GALNT18: variants seen among roughly 807,000 people sequenced by gnomAD.
GALNT18 encodes the protein GalNAc-transferase 18.
GALNT18 carries 44 observed loss-of-function variants against 69.5 expected under a neutral mutation model. That is an observed-to-expected ratio of 0.63 (90% CI 0.50 to 0.81). GALNT18 has a LOEUF of 0.81. Ranked by LOEUF, GALNT18 falls within the 40% of genes least tolerant of loss-of-function variation. GALNT18 has a pLI of 0.00. For missense variants in GALNT18, 715 were observed against 810.0 expected (o/e 0.88, Z 1.42); for synonymous variants, 364 against 318.2 (o/e 1.14, Z -1.53).
At chr11:11,334,584 G>T (rs563143055) in intron 7 of GALNT18, among the ~76,000 whole-genome samples, 1 of 151,866 alleles carries the variant, frequency 6.6e-6, no homozygotes, top group Non-Finnish European at 1.5e-5. Flanking sequence ...ATATAAAAGA[G>T]ATAGATTCCT....
intron 3 of GALNT18, among the ~76,000 whole-genome samples, chr11:11,424,120 T>C (rs1250425439): frequency 6.6e-6 from 1 of 152,208 alleles, no homozygotes; most frequent in Non-Finnish European, 1.5e-5. Flanking sequence ...GCCTGCCTGC[T>C]GCCCCCAACA....
intron 9 of GALNT18, among the ~76,000 whole-genome samples, chr11:11,319,463 G>C (rs962261269): frequency 1.3e-5 from 2 of 152,160 alleles, no homozygotes; most frequent in South Asian, 2.1e-4. Flanking sequence ...CATGAATGCT[G>C]TTCATAAAAA....
At position 11,461,569 on chromosome 11, in the gene GALNT18, C is replaced by T. The variant is rs568433597; in HGVS notation, c.236-12633G>A. Among the ~76,000 whole-genome samples the T allele has an allele frequency of 2.0e-5, 3 of 152,304 alleles. No homozygotes were observed. The highest frequency in any genetic ancestry group is 1.9e-4 in the East Asian group (1 of 5,188). ...CACATACCGTTATCCCCCCCGCTCC[C>T]GCCCGCCACCGAGCTGACAGCCCGG... On this transcript the variant is annotated intron_variant, in intron 1 of 10. Transcript: ENST00000227756. This position sits in a 1 kb window ranked among gnomAD's most constrained non-coding sequence, Gnocchi z 4.1.
intron 6 of GALNT18, among the ~76,000 whole-genome samples, chr11:11,350,783 T>C (rs78768189): frequency 1.3e-5 from 2 of 152,112 alleles, no homozygotes; most frequent in Non-Finnish European, 2.9e-5. Flanking sequence ...CAGGGTGAAC[T>C]TGAAGTTCAA....
chr11:11,490,234 A>ACACACAC (rs1856738130), intron 1 of GALNT18, among the ~76,000 whole-genome samples: 15 of 125,180 alleles, frequency 1.2e-4, no homozygotes, highest in African/African-American at 3.0e-4. Flanking sequence ...CTCTCTCTCT[A>ACACACAC]ACACACACAC....
chr11:11,543,455 C>T lies in GALNT18; in HGVS notation c.235+77904G>A, dbSNP rs956820067. On this transcript the variant is annotated intron_variant, in intron 1 of 10. Transcript: ENST00000227756. This position sits in a 1 kb window ranked among gnomAD's most constrained non-coding sequence, Gnocchi z 5.1. ...CCACCCATTTTAGGTCGGGGATGTC[C>T]CTTCTCTGCTACCCTGTCCCCACCG... is the stretch of plus-strand genomic sequence containing the variant. Among the ~76,000 whole-genome samples, 2 of 152,158 alleles carry T rather than the reference C, an allele frequency of 1.3e-5. No individual in the cohort carries two copies. Among genetic ancestry groups the T allele is most frequent in the African/African-American group, 4.8e-5 (2 of 41,426 alleles).
intron 1 of GALNT18, among the ~76,000 whole-genome samples, chr11:11,560,779 C>T (rs1224860242): frequency 1.3e-5 from 2 of 152,214 alleles, no homozygotes; most frequent in Admixed American, 1.3e-4. Context: ...CCTCAGACCC[C>T]ACTGGGCCTC....
chr11:11,384,374 C>T (rs529343539), intron 3 of GALNT18, among the ~76,000 whole-genome samples: 30 of 152,176 alleles, frequency 2.0e-4, no homozygotes, highest in African/African-American at 5.3e-4. Context: ...AAGAACAAGA[C>T]GCTAGCATTT....
intron 1 of GALNT18, among the ~76,000 whole-genome samples, chr11:11,569,336 G>A (rs149049694): frequency 1.4e-3 from 206 of 151,170 alleles, no homozygotes; most frequent in African/African-American, 4.5e-3. Flanking sequence ...CTTCTGCCTT[G>A]AGTATCTGGG....
chr11:11,613,367 T>A lies in GALNT18; in HGVS notation c.235+7992A>T, dbSNP rs1859960268. 6.6e-6 allele frequency among the ~76,000 whole-genome samples: 1 copy of A among 152,220 alleles called. No individual in the cohort carries two copies. Among genetic ancestry groups the A allele is most frequent in the Admixed American group, 6.5e-5 (1 of 15,288 alleles). On this transcript the variant is annotated intron_variant, in intron 1 of 10. Transcript: ENST00000227756. The surrounding 1 kb of genome is among the most constrained non-coding windows in gnomAD (Gnocchi z 4.2). ...TTGTGAGGTAATTAGTGAGTAACAA[T>A]AATTTAAGTACCAAAGCTTATGAAT...
intron 2 of GALNT18, among the ~76,000 whole-genome samples, chr11:11,438,193 C>G (rs908167855): frequency 2.0e-5 from 3 of 152,204 alleles, no homozygotes; most frequent in Non-Finnish European, 4.4e-5. Context: ...TCAGATACAT[C>G]TAGCTTCTTC....
At chr11:11,608,348 CCTGT>C (rs370980181) in intron 1 of GALNT18, among the ~76,000 whole-genome samples, 3 of 151,914 alleles carry the variant, frequency 2.0e-5, no homozygotes, top group African/African-American at 7.3e-5. Context: ...GGGGTGCTCG[CCTGT>C]CTTTTTTGTT....
chr11:11,323,005 A>C (rs765417223), intron 9 of GALNT18, among the ~76,000 whole-genome samples: 35 of 152,172 alleles, frequency 2.3e-4, no homozygotes, highest in African/African-American at 5.1e-4. Flanking sequence ...CACCACCCTT[A>C]TGACCTGACT....
At chr11:11,335,145 G>C (rs1850088792) in intron 7 of GALNT18, among the ~76,000 whole-genome samples, 1 of 152,102 alleles carries the variant, frequency 6.6e-6, no homozygotes, top group Non-Finnish European at 1.5e-5. Flanking sequence ...TAAACTTCTG[G>C]GTTCCCACAG....
chr11:11,589,470 A>G (rs560731941), intron 1 of GALNT18, among the ~76,000 whole-genome samples: 12 of 152,332 alleles, frequency 7.9e-5, no homozygotes, highest in South Asian at 2.1e-4. Context: ...CCAAATATGA[A>G]TCAAAAGGAA....
At chr11:11,327,050 C>T (rs1359666530) in intron 9 of GALNT18, 36 bp downstream of exon 9, 1 of 1,461,466 alleles carries the variant, frequency 6.8e-7, no homozygotes. Flanking sequence ...CACTCATATG[C>T]ACACTCCTGG....
rs1849828613 is a variant in GALNT18, at chr11:11,320,761, C to G, written c.1512+6325G>C. Among the ~76,000 whole-genome samples, 1 of 152,160 alleles carries G rather than the reference C, an allele frequency of 6.6e-6. No homozygotes were observed. ...GGAGCTCAGGCTGGGAATACCCAGC[C>G]CGTCCCCAGGATAACCTTGTCCTTT... On this transcript the variant is annotated intron_variant, in intron 9 of 10. Transcript: ENST00000227756. This position sits in a 1 kb window ranked among gnomAD's most constrained non-coding sequence, Gnocchi z 4.9.
intron 2 of GALNT18, among the ~76,000 whole-genome samples, chr11:11,434,356 A>C (rs1053942803): frequency 1.3e-5 from 2 of 152,188 alleles, no homozygotes; most frequent in African/African-American, 4.8e-5. Flanking sequence ...TAATGGAATA[A>C]ATATTTATTG....
chr11:11,295,328 G>A lies in GALNT18; in HGVS notation c.1513-2135C>T, dbSNP rs573304303. On this transcript the variant is annotated intron_variant, in intron 9 of 10. Coordinates refer to ENST00000227756, the MANE Select transcript of GALNT18 (RefSeq NM_198516.3). ...TAATAAAGGCACCATTTTCAAAGGT[G>A]TGGGTAGGGTGTCAGGGAACCACAA... Among the ~76,000 whole-genome samples the A allele has an allele frequency of 1.1e-4, 17 of 152,352 alleles. 1 individual carries two copies. The South Asian group carries it at 2.5e-3, about 22-fold the overall frequency.
Sources: allele counts gnomAD v4.1 joint callset (sites outside exome capture counted in the v4.1 genomes callset), GRCh38; gene constraint gnomAD v4.1.1; non-coding constraint Gnocchi (gnomAD v3.1); transcripts MANE v1.5; gene names NCBI Gene and HGNC (gene_info 2026-07-23, HGNC 2026-07-21).